ROR2: variants seen among roughly 807,000 people sequenced by gnomAD.
ROR2 encodes tyrosine-protein kinase transmembrane receptor ROR2.
Under a neutral mutation model 74.9 loss-of-function variants are expected in ROR2, and 33 were observed. That is an observed-to-expected ratio of 0.44 (90% CI 0.33 to 0.59). The LOEUF (loss-of-function observed/expected upper bound fraction) is 0.59, where lower values mean the gene tolerates loss of function less well. Ranked by LOEUF, ROR2 falls within the 20% of genes least tolerant of loss-of-function variation. ROR2 has a pLI of 0.02. For missense variants in ROR2, 1,216 were observed against 1,313.8 expected (o/e 0.93, Z 1.15); for synonymous variants, 586 against 558.7 (o/e 1.05, Z -0.69).
intron 1 of ROR2, among the ~76,000 whole-genome samples, chr9:91,909,797 T>G (rs907531234): frequency 4.0e-5 from 6 of 151,064 alleles, no homozygotes; most frequent in African/African-American, 1.5e-4. Flanking sequence ...ATTAGCTATT[T>G]TATAAGCATT....
At chr9:91,891,460 G>A (rs972400683) in intron 1 of ROR2, among the ~76,000 whole-genome samples, 1 of 151,988 alleles carries the variant, frequency 6.6e-6, no homozygotes, top group Admixed American at 6.6e-5. Context: ...GTAGAGACGG[G>A]GTTTCACCAT....
chr9:91,838,378 G>A lies in ROR2; in HGVS notation c.98-62560C>T, dbSNP rs551506711. On this transcript the variant is annotated intron_variant, in intron 1 of 8. Transcript: ENST00000375708. ...ACAGTGTTGAGTGAAGGGCTGAGACGCCCTTCTGCATCTCCTGCAGCCCCT... is the reference window on the plus strand; with the variant it reads ...ACAGTGTTGAGTGAAGGGCTGAGACACCCTTCTGCATCTCCTGCAGCCCCT... Among the ~76,000 whole-genome samples, 14 of 152,252 alleles carry A rather than the reference G, an allele frequency of 9.2e-5. No homozygotes were observed. In the South Asian group the frequency reaches 1.2e-3, roughly 14 times the overall value.
intron 1 of ROR2, among the ~76,000 whole-genome samples, chr9:91,945,257 A>G (rs1282689120): frequency 6.6e-6 from 1 of 152,220 alleles, no homozygotes; most frequent in Admixed American, 6.5e-5. Context: ...ATTTTAACTT[A>G]TATAGCTGTG....
chr9:91,819,751 TTC>T (rs1554679238), intron 1 of ROR2, among the ~76,000 whole-genome samples: 1 of 152,112 alleles, frequency 6.6e-6, no homozygotes, highest in Non-Finnish European at 1.5e-5. Flanking sequence ...TCATTCAATA[TTC>T]TGTGTGTGTG....
In ROR2 at chr9:91,764,332, C is replaced by T. The variant is rs891694537; in HGVS notation, c.176-6773G>A. ...CTCTTATAAGTGGCATATAATTTTA[C>T]ATTTTGAGTCTACATTTTTAACTGA... is the stretch of plus-strand genomic sequence containing the variant. On this transcript the variant is annotated intron_variant, in intron 2 of 8. Transcript: ENST00000375708. Among the ~76,000 whole-genome samples the T allele has an allele frequency of 6.6e-5, 10 of 152,106 alleles. No individual in the cohort carries two copies. In the South Asian group the frequency reaches 2.1e-3, roughly 32 times the overall value.
Position 91,724,411 on chromosome 9 carries a change from C to T in ROR2, c.2083G>A (p.Gly695Arg), listed in dbSNP as rs34431454. The T allele has an allele frequency of 2.2e-3, 3,537 of 1,614,146 alleles. 104 individuals are homozygous for T. In the East Asian group the frequency reaches 0.066, roughly 30 times the overall value. The change falls in exon 9 of 9, where the codon GGG (glycine) becomes AGG (arginine). Residue 695 changes from glycine (G) to arginine (R), a missense_variant. Gly to Arg is a moderately radical substitution (Grantham distance 125, BLOSUM62 -2). Coordinates refer to ENST00000375708, the MANE Select transcript of ROR2 (RefSeq NM_004560.4). Reference sequence around the variant, plus strand: ...TCCACCACATCCTGGTTGGAGTACCCGCAGTAGGGCTGCAGGCCGTAGCTG... The same window carrying T: ...TCCACCACATCCTGGTTGGAGTACCTGCAGTAGGGCTGCAGGCCGTAGCTG... ...VFSYGLQPYCGYSNQDVVEMI... is the reference protein window; with the variant it reads ...VFSYGLQPYCRYSNQDVVEMI...
At chr9:91,932,045 A>G (rs1304964362) in intron 1 of ROR2, among the ~76,000 whole-genome samples, 1 of 152,214 alleles carries the variant, frequency 6.6e-6, no homozygotes, top group African/African-American at 2.4e-5. Context: ...TCTATCATGG[A>G]ATTTTAATAC....
chr9:91,858,209 GCTAA>G (rs149007305), intron 1 of ROR2, among the ~76,000 whole-genome samples: 2,227 of 152,328 alleles, frequency 0.015, 58 homozygotes, highest in African/African-American at 0.05. Flanking sequence ...CACACCGAGG[GCTAA>G]CTGAGGTGGG....
At chr9:91,726,151 C>G (rs1445076812) in intron 8 of ROR2, among the ~76,000 whole-genome samples, 1 of 152,138 alleles carries the variant, frequency 6.6e-6, no homozygotes, top group Admixed American at 6.5e-5. Flanking sequence ...TCCCTGTAAA[C>G]AAAACAAAGC....
intron 1 of ROR2, among the ~76,000 whole-genome samples, chr9:91,838,152 T>A (rs759388792): frequency 6.6e-6 from 1 of 152,190 alleles, no homozygotes; most frequent in African/African-American, 2.4e-5. Context: ...TGTGTGTAAT[T>A]CTCCCTCTGG....
At chr9:91,889,005 C>T (rs763871086) in intron 1 of ROR2, among the ~76,000 whole-genome samples, 7 of 151,758 alleles carry the variant, frequency 4.6e-5, no homozygotes, top group Non-Finnish European at 1.0e-4. Flanking sequence ...TGAACAACTT[C>T]TTGGAAAAAC....
intron 1 of ROR2, among the ~76,000 whole-genome samples, chr9:91,946,602 G>C (rs553143414): frequency 6.6e-6 from 1 of 152,218 alleles, no homozygotes; most frequent in African/African-American, 2.4e-5. Flanking sequence ...AGTTTGTAGC[G>C]TTAACTTTCT....
chr9:91,733,458 C>G lies in ROR2; in HGVS notation c.623-22G>C, dbSNP rs73654048. On this transcript the variant is annotated intron_variant, in intron 5 of 8. Coordinates refer to ENST00000375708, the MANE Select transcript of ROR2 (RefSeq NM_004560.4). This position sits in a 1 kb window ranked among gnomAD's most constrained non-coding sequence, Gnocchi z 5.7. Reference sequence around the variant, plus strand: ...GCCGCTGCAGAGCCCGCGAGACTCGCGTTAGCGGGGGACCCACCTTGCGCC... The same window carrying G: ...GCCGCTGCAGAGCCCGCGAGACTCGGGTTAGCGGGGGACCCACCTTGCGCC... 1 of 1,603,964 alleles carries G rather than the reference C, an allele frequency of 6.2e-7. No homozygotes were observed. The highest frequency in any genetic ancestry group is 8.5e-7 in the Non-Finnish European group (1 of 1,177,422).
chr9:91,917,356 A>G (rs1363030317), intron 1 of ROR2, among the ~76,000 whole-genome samples: 1 of 152,210 alleles, frequency 6.6e-6, no homozygotes, highest in African/African-American at 2.4e-5. Flanking sequence ...GTGCAGAGAA[A>G]CAACGCCAAG....
intron 1 of ROR2, among the ~76,000 whole-genome samples, chr9:91,843,445 G>A (rs182097123): frequency 3.7e-4 from 56 of 152,330 alleles, no homozygotes; most frequent in African/African-American, 1.3e-3. Flanking sequence ...TCTTATTTCC[G>A]ACATAATACG....
chr9:91,822,193 G>GT (rs1476285931), intron 1 of ROR2, among the ~76,000 whole-genome samples: 4 of 152,184 alleles, frequency 2.6e-5, no homozygotes, highest in African/African-American at 9.7e-5. Context: ...TTTAAAACAT[G>GT]TTTTCTCCTG....
In ROR2 at chr9:91,725,364, C is replaced by G. The variant is rs115297883; in HGVS notation, c.1387-257G>C. On this transcript the variant is annotated intron_variant, in intron 8 of 8. Transcript: ENST00000375708. ...CCCAACCAGGCTACAAATAAGGTCCCTCCAAAATCCAGCTGGGACACACTG... is the reference window on the plus strand; with the variant it reads ...CCCAACCAGGCTACAAATAAGGTCCGTCCAAAATCCAGCTGGGACACACTG... Among the ~76,000 whole-genome samples, 739 of 152,260 alleles carry G rather than the reference C, an allele frequency of 4.9e-3. 3 individuals carry two copies. Among genetic ancestry groups the G allele is most frequent in the African/African-American group, 0.017 (699 of 41,550 alleles).
rs1830084389 is a variant in ROR2 at position 91,880,690 on chromosome 9, T to A, written c.97+69177A>T. Among the ~76,000 whole-genome samples, 4 of 152,250 alleles carry A rather than the reference T, an allele frequency of 2.6e-5. No individual in the cohort carries two copies. In the South Asian group the frequency reaches 8.3e-4, roughly 31 times the overall value. On this transcript the variant is annotated intron_variant, in intron 1 of 8. Coordinates refer to ENST00000375708, the MANE Select transcript of ROR2 (RefSeq NM_004560.4). Reference sequence around the variant, plus strand: ...TGAAAACGATTTCTACAACATTGTTTCTGCAATGGGCCTGCCCATATACAA... The same window carrying A: ...TGAAAACGATTTCTACAACATTGTTACTGCAATGGGCCTGCCCATATACAA...
chr9:91,875,785 G>A (rs534144103), intron 1 of ROR2, among the ~76,000 whole-genome samples: 3 of 152,214 alleles, frequency 2.0e-5, no homozygotes, highest in South Asian at 2.1e-4. Flanking sequence ...GCTAGCACAC[G>A]GACGATCTTT....
Sources: gnomAD v4.1 joint callset for allele counts (sites outside exome capture counted in the v4.1 genomes callset) on GRCh38, gnomAD v4.1.1 for gene constraint, Gnocchi (gnomAD v3.1) non-coding constraint, MANE v1.5 for transcripts, NCBI Gene and HGNC (gene_info 2026-07-23, HGNC 2026-07-21) for gene names.